Variants in SCART1 observed in about 807,000 individuals in gnomAD.
SCART1 encodes the protein scavenger receptor family member expressed on T cells 1, also known as scavenger receptor cysteine-rich domain-containing protein SCART1.
A neutral mutation model predicts 36.2 loss-of-function variants in SCART1; 62 were observed. That is an observed-to-expected ratio of 1.71 (90% confidence interval 1.40 to 2.12). SCART1 has a LOEUF of 2.12. Among genes scored for constraint, SCART1 ranks in the 30% most tolerant of loss-of-function variants. The pLI, the probability that SCART1 is intolerant of heterozygous loss-of-function variation, is 0.00. For synonymous variants in SCART1, 487 were observed against 238.7 expected, an observed-to-expected ratio of 2.04 and a Z score of -9.59; for missense variants, 1,041 against 540.5, an observed-to-expected ratio of 1.93 and a Z score of -9.18.
At chr10:133,463,922 C>T (rs1033221888) in intron 6 of SCART1, among the ~76,000 whole-genome samples, 1 of 152,132 alleles carries the variant, frequency 6.6e-6, no homozygotes, top group Non-Finnish European at 1.5e-5. Flanking sequence ...ATTTATTCCT[C>T]TTATCCAGCT....
intron 1 of SCART1, 123 bp downstream of exon 1, chr10:133,454,187 G>A: frequency 1.5e-6 from 1 of 670,462 alleles, no homozygotes; most frequent in Admixed American, 2.1e-5. Context: ...ACTCAGCCCA[G>A]AGTGGGTGGG....
chr10:133,459,538 G>A, exon 6 of SCART1: 2 of 681,560 alleles, frequency 2.9e-6, no homozygotes, highest in Non-Finnish European at 2.7e-6. Flanking sequence ...TGTGACGGCC[G>A]CGTGGAGGTC....
rs7894325 is a variant in SCART1 at position 133,466,248 on chromosome 10, C to G, written c.2673C>G (p.Gly891=). 1.0e-3 allele frequency: 704 copies of G among 702,230 alleles called. 13 individuals are homozygous for G. Among genetic ancestry groups the G allele is most frequent in the Middle Eastern group, 1.1e-3 (5 of 4,352 alleles). 43.5% of individuals were successfully genotyped at this position (702,230 alleles called of 1,614,324 possible). A position where few individuals can be genotyped will look rare whatever the true frequency, so the allele number is the denominator to read the frequency against. Residue 891 remains glycine (G), a synonymous_variant, in exon 10 of 12, where the codon GGC becomes GGG. Transcript: ENST00000640237. ...CTCCTTTCTCAGAGCCTGGCCCAGGCCCCCCACTGCCTGCAGCTCCCTTCC... is the reference window on the plus strand; with the variant it reads ...CTCCTTTCTCAGAGCCTGGCCCAGGGCCCCCACTGCCTGCAGCTCCCTTCC...
exon 11 of SCART1, chr10:133,467,261 C>T (rs2246634): frequency 0.85 from 599,671 of 702,502 alleles, 255,878 homozygotes; most frequent in Middle Eastern, 0.92. Context: ...GAAATGCCGC[C>T]AGCAGGACTG....
At chr10:133,464,789 C>T (rs1265005301) in exon 7 of SCART1, 1 of 702,512 alleles carries the variant, frequency 1.4e-6, no homozygotes, top group Non-Finnish European at 2.6e-6. Flanking sequence ...CAGGCCCTTC[C>T]CCTCTGCGGG....
At chr10:133,466,018 A>T (rs1589937348) in intron 9 of SCART1, 3 of 665,908 alleles carry the variant, frequency 4.5e-6, no homozygotes, top group Non-Finnish European at 8.2e-6. Flanking sequence ...TTACCAAGGA[A>T]GGGGGCTGTC....
At chr10:133,466,472 G>T in intron 10 of SCART1, 91 bp downstream of exon 10, 1 of 647,588 alleles carries the variant, frequency 1.5e-6, no homozygotes, top group South Asian at 1.8e-5. Flanking sequence ...CTGGGCAGGC[G>T]GGGTGCCCCA....
chr10:133,466,647 C>T (rs1206442991), intron 10 of SCART1, among the ~76,000 whole-genome samples: 1 of 152,182 alleles, frequency 6.6e-6, no homozygotes, highest in Non-Finnish European at 1.5e-5. Context: ...GGTGGATGCC[C>T]ATATTATCAT....
At chr10:133,464,972 A>C (rs1458610902) in intron 7 of SCART1, 61 bp downstream of exon 7, 6 of 702,474 alleles carry the variant, frequency 8.5e-6, no homozygotes, top group Middle Eastern at 2.3e-4. Context: ...GAAGAGGTTT[A>C]TCTGTCCTGA....
chr10:133,460,496 A>ATATATATATTTTT, intron 6 of SCART1, among the ~76,000 whole-genome samples: 2 of 136,016 alleles, frequency 1.5e-5, no homozygotes, highest in Non-Finnish European at 1.6e-5. Context: ...ATATTTATAT[A>ATATATATATTTTT]TTTTAAAAAA....
chr10:133,454,266 T>A (rs1185794581), intron 1 of SCART1, among the ~76,000 whole-genome samples: 1 of 152,140 alleles, frequency 6.6e-6, no homozygotes, highest in South Asian at 2.1e-4. Flanking sequence ...CCCCAGACCC[T>A]AGCCCCACTG....
At chr10:133,457,717 A>C (rs1042742660) in intron 3 of SCART1, 142 bp downstream of exon 3, 53 of 569,826 alleles carry the variant, frequency 9.3e-5, no homozygotes, top group Non-Finnish European at 6.2e-6. Flanking sequence ...GAGGTGGGAA[A>C]GGGCCTCAGC....
At chr10:133,456,630 CGCA>C (rs1850617381) in intron 2 of SCART1, 76 bp downstream of exon 2, 1 of 593,170 alleles carries the variant, frequency 1.7e-6, no homozygotes, top group African/African-American at 1.9e-5. Context: ...ACTGGGAGGA[CGCA>C]GAGGAGGACT....
At chr10:133,461,982 GAGCCAGCATGTTGGGCAC>G (rs1480505571) in intron 6 of SCART1, among the ~76,000 whole-genome samples, 3 of 152,238 alleles carry the variant, frequency 2.0e-5, no homozygotes, top group Non-Finnish European at 4.4e-5. Context: ...CCATCTGCTG[GAGCCAGCATGTTGGGCAC>G]AGCCAGTTCA....
At chr10:133,465,135 G>A (rs1178600922) in exon 8 of SCART1, 3 of 702,910 alleles carry the variant, frequency 4.3e-6, no homozygotes, top group African/African-American at 3.5e-5. Context: ...ACAGGCTGCT[G>A]GGGAGCCCCT....
At chr10:133,465,287 G>A (rs753580422) in exon 9 of SCART1, 3 of 683,804 alleles carry the variant, frequency 4.4e-6, no homozygotes, top group Non-Finnish European at 8.0e-6. Context: ...GGCGAGGACC[G>A]CTGCTCCGGG....
At chr10:133,457,395 A>C (rs1033604546) in exon 3 of SCART1, 32 of 701,902 alleles carry the variant, frequency 4.6e-5, no homozygotes, top group Non-Finnish European at 4.4e-5. Context: ...GGAGGAGGCC[A>C]TGGTGTTCTG....
intron 11 of SCART1, 66 bp downstream of exon 11, chr10:133,467,419 A>T: frequency 1.5e-6 from 1 of 649,460 alleles, no homozygotes; most frequent in Non-Finnish European, 2.8e-6. Context: ...CACAAGATGC[A>T]GTGGAAAGGG....
chr10:133,463,932 T>A (rs1850733142), intron 6 of SCART1, among the ~76,000 whole-genome samples: 1 of 152,148 alleles, frequency 6.6e-6, no homozygotes, highest in Non-Finnish European at 1.5e-5. Flanking sequence ...CTTATCCAGC[T>A]GTAATTTTGT....
Sources: allele counts gnomAD v4.1 joint callset (sites outside exome capture counted in the v4.1 genomes callset), GRCh38; gene constraint gnomAD v4.1.1; transcripts MANE v1.5; gene names NCBI Gene and HGNC (gene_info 2026-07-23, HGNC 2026-07-21).